Variants in AFG2A observed in about 807,000 individuals in gnomAD.
AFG2A encodes the protein AAA ATPase AFG2A, also known as ATPase family gene 2 protein homolog A.
the AFG2A span, among the ~76,000 whole-genome samples, chr4:123,266,663 TA>T: frequency 6.6e-6 from 1 of 151,918 alleles, no homozygotes; most frequent in Admixed American, 6.6e-5. Context: ...GTTAAAGATG[TA>T]TACTATTTTT....
the AFG2A span, among the ~76,000 whole-genome samples, chr4:123,096,486 A>G: frequency 1.3e-5 from 2 of 151,950 alleles, no homozygotes; most frequent in African/African-American, 2.4e-5. Context: ...AGTCCATGAC[A>G]TTTTATACAT....
chr4:123,124,657 A>C, the AFG2A span, among the ~76,000 whole-genome samples: 1 of 152,166 alleles, frequency 6.6e-6, no homozygotes, highest in Non-Finnish European at 1.5e-5. Context: ...AACAAAAAAA[A>C]CCATGTTCTT....
At chr4:122,944,821 A>T in the AFG2A span, among the ~76,000 whole-genome samples, 2 of 151,848 alleles carry the variant, frequency 1.3e-5, no homozygotes, top group African/African-American at 2.4e-5. Flanking sequence ...TTTGGTGTGG[A>T]TGTCCTTTCT....
chr4:123,310,690 C>G, the AFG2A span, among the ~76,000 whole-genome samples: 7 of 152,264 alleles, frequency 4.6e-5, no homozygotes, highest in East Asian at 5.8e-4. Context: ...AGTTATTGCA[C>G]AGAGTAGCTA....
the AFG2A span, among the ~76,000 whole-genome samples, chr4:123,192,129 C>T: frequency 7.2e-5 from 11 of 151,936 alleles, no homozygotes; most frequent in East Asian, 3.9e-4. Flanking sequence ...TGGACTCAAG[C>T]GATTCTCGTG....
chr4:123,135,071 G>A, the AFG2A span, among the ~76,000 whole-genome samples: 1 of 152,126 alleles, frequency 6.6e-6, no homozygotes, highest in Admixed American at 6.5e-5. Context: ...TAGATCAAGT[G>A]GGATTTATTC....
At chr4:123,254,108 C>T in the AFG2A span, among the ~76,000 whole-genome samples, 1 of 152,098 alleles carries the variant, frequency 6.6e-6, no homozygotes, top group Non-Finnish European at 1.5e-5. Flanking sequence ...GATACAAGCC[C>T]TTTGCAAATA....
chr4:122,966,582 C>T, the AFG2A span, among the ~76,000 whole-genome samples: 11 of 152,126 alleles, frequency 7.2e-5, no homozygotes, highest in African/African-American at 2.2e-4. Flanking sequence ...CATCGATTCA[C>T]TTTTCAGGGC....
chr4:123,286,154 C>A, the AFG2A span, among the ~76,000 whole-genome samples: 110,515 of 151,960 alleles, frequency 0.73, 41,278 homozygotes, highest in Non-Finnish European at 0.81. Flanking sequence ...TAGAATAGCT[C>A]TTCTCCCCTA....
At chr4:123,299,117 A>ATGTGTGTGTGTGTGTGTGTG in the AFG2A span, among the ~76,000 whole-genome samples, 176 of 147,214 alleles carry the variant, frequency 1.2e-3, no homozygotes, top group African/African-American at 3.8e-3. Context: ...GCATCTGCCA[A>ATGTGTGTGTGTGTGTGTGTG]TGTGTGTGTG....
At chr4:123,144,653 A>T in the AFG2A span, among the ~76,000 whole-genome samples, 1 of 152,138 alleles carries the variant, frequency 6.6e-6, no homozygotes, top group East Asian at 1.9e-4. Flanking sequence ...GTTAGATATG[A>T]TTAAAAGCAA....
the AFG2A span, among the ~76,000 whole-genome samples, chr4:123,084,132 A>G: frequency 6.6e-6 from 1 of 152,022 alleles, no homozygotes; most frequent in Non-Finnish European, 1.5e-5. Flanking sequence ...CTTTTAATAT[A>G]TATAGATCTG....
At chr4:123,074,111 T>TTTTTTTTTTTGG in the AFG2A span, among the ~76,000 whole-genome samples, 2 of 148,904 alleles carry the variant, frequency 1.3e-5, no homozygotes, top group Admixed American at 6.7e-5. Flanking sequence ...TTTTTTTTTT[T>TTTTTTTTTTTGG]GAGGCAGAGT....
the AFG2A span, among the ~76,000 whole-genome samples, chr4:123,014,394 TGA>T: frequency 2.8e-3 from 430 of 152,296 alleles, no homozygotes; most frequent in African/African-American, 9.6e-3. Context: ...CCATTTTTTA[TGA>T]GTTTTTTTTC....
At chr4:122,988,489 C>T in the AFG2A span, among the ~76,000 whole-genome samples, 1 of 151,136 alleles carries the variant, frequency 6.6e-6, no homozygotes. Flanking sequence ...ACCTCTGACT[C>T]CCTGGTTCAA....
At chr4:123,072,124 T>C in the AFG2A span, among the ~76,000 whole-genome samples, 1 of 152,192 alleles carries the variant, frequency 6.6e-6, no homozygotes, top group Non-Finnish European at 1.5e-5. Context: ...AACTCTTTTA[T>C]TTGCTAGTTG....
chr4:122,966,467 A>G, the AFG2A span, among the ~76,000 whole-genome samples: 1,832 of 152,250 alleles, frequency 0.012, 41 homozygotes, highest in African/African-American at 0.041. Context: ...GGGCCTCCTA[A>G]TCTCTAAAGT....
the AFG2A span, among the ~76,000 whole-genome samples, chr4:123,265,950 C>T: frequency 6.6e-6 from 1 of 152,022 alleles, no homozygotes; most frequent in Non-Finnish European, 1.5e-5. Flanking sequence ...TGTGCTTCCT[C>T]ATCTTCAGAA....
chr4:123,140,131 A>T, the AFG2A span, among the ~76,000 whole-genome samples: 150,783 of 152,202 alleles, frequency 0.99, 74,688 homozygotes, highest in East Asian at 1. Context: ...TTCAATCCTG[A>T]TATGTAAAGT....
Sources: allele counts gnomAD v4.1 joint callset (sites outside exome capture counted in the v4.1 genomes callset), GRCh38; gene constraint gnomAD v4.1.1; transcripts MANE v1.5; gene names NCBI Gene and HGNC (gene_info 2026-07-23, HGNC 2026-07-21).